STK32B: variants seen among roughly 807,000 people sequenced by gnomAD.
STK32B encodes the protein serine/threonine-protein kinase 32B.
In STK32B, 43 loss-of-function variants were observed where a neutral mutation model predicts 52.6. The observed-to-expected ratio is 0.82, with a 90% CI of 0.64 to 1.05. The LOEUF (loss-of-function observed/expected upper bound fraction) is 1.05, where lower values mean the gene tolerates loss of function less well. Among genes scored for constraint, STK32B ranks in the 50% least tolerant of loss-of-function variants. The pLI is 0.00. For missense variants in STK32B, 621 were observed against 534.6 expected, an observed-to-expected ratio of 1.16 and a Z score of -1.59; for synonymous variants, 238 against 204.3, an observed-to-expected ratio of 1.17 and a Z score of -1.41.
At chr4:5,242,830 A>G (rs1203640562) in intron 3 of STK32B, among the ~76,000 whole-genome samples, 1 of 152,230 alleles carries the variant, frequency 6.6e-6, no homozygotes, top group Non-Finnish European at 1.5e-5. Flanking sequence ...TTTATTAAAT[A>G]GAGAATCCTT....
intron 1 of STK32B, among the ~76,000 whole-genome samples, chr4:5,136,869 C>T (rs1249262237): frequency 2.6e-5 from 4 of 152,152 alleles, no homozygotes; most frequent in Admixed American, 6.5e-5. Flanking sequence ...GAACCACAGG[C>T]CGTGTGCTCA....
At chr4:5,091,605 T>A (rs926589741) in intron 1 of STK32B, among the ~76,000 whole-genome samples, 1 of 152,214 alleles carries the variant, frequency 6.6e-6, no homozygotes, top group Non-Finnish European at 1.5e-5. Flanking sequence ...TTGGAATCCT[T>A]ATACATTGCT....
chr4:5,212,251 A>G (rs1297641248), intron 3 of STK32B, among the ~76,000 whole-genome samples: 1 of 152,192 alleles, frequency 6.6e-6, no homozygotes, highest in African/African-American at 2.4e-5. Flanking sequence ...AAACAGAGGC[A>G]TAGCATGCAG....
chr4:5,049,309 A>C (rs1253172608), upstream of STK32B, among the ~76,000 whole-genome samples: 3 of 151,658 alleles, frequency 2.0e-5, no homozygotes, highest in African/African-American at 7.3e-5. Flanking sequence ...GGATTCTCCC[A>C]CCTCAGCCTC....
chr4:5,299,093 C>T (rs1308274933), intron 3 of STK32B, among the ~76,000 whole-genome samples: 3 of 151,928 alleles, frequency 2.0e-5, no homozygotes, highest in African/African-American at 7.3e-5. Flanking sequence ...GGCAACATCC[C>T]ACCCTGCTTC....
chr4:5,260,968 G>T (rs2108844484), intron 3 of STK32B, among the ~76,000 whole-genome samples: 1 of 152,216 alleles, frequency 6.6e-6, no homozygotes, highest in Non-Finnish European at 1.5e-5. Flanking sequence ...AGGTGAGAGG[G>T]CCAGGCCTTT....
intron 8 of STK32B, among the ~76,000 whole-genome samples, chr4:5,457,747 C>T (rs1306131808): frequency 6.6e-6 from 1 of 151,688 alleles, no homozygotes; most frequent in East Asian, 2.0e-4. Flanking sequence ...GTGGCACATG[C>T]CTGTAATCCC....
chr4:5,275,423 A>G (rs1287042861), intron 3 of STK32B, among the ~76,000 whole-genome samples: 3 of 152,166 alleles, frequency 2.0e-5, no homozygotes, highest in African/African-American at 4.8e-5. Flanking sequence ...TGATGCAAAT[A>G]TCTTTTTATC....
chr4:5,081,001 G>T (rs1029905751), intron 1 of STK32B, among the ~76,000 whole-genome samples: 24 of 152,254 alleles, frequency 1.6e-4, no homozygotes, highest in African/African-American at 5.1e-4. Flanking sequence ...GTCTGTTTTT[G>T]TGAGTTTGGC....
chr4:5,057,451 A>G (rs531251237), intron 1 of STK32B, among the ~76,000 whole-genome samples: 6 of 152,328 alleles, frequency 3.9e-5, no homozygotes, highest in Admixed American at 3.3e-4. Flanking sequence ...TGACTCTTGC[A>G]TAGTGTGACT....
chr4:5,270,997 G>T (rs1028755764), intron 3 of STK32B, among the ~76,000 whole-genome samples: 5 of 152,038 alleles, frequency 3.3e-5, no homozygotes, highest in Non-Finnish European at 4.4e-5. Flanking sequence ...GAGTGCAGGG[G>T]TGCGATCTCA....
chr4:5,342,604 A>C (rs889210341), intron 4 of STK32B, among the ~76,000 whole-genome samples: 1 of 152,040 alleles, frequency 6.6e-6, no homozygotes, highest in Non-Finnish European at 1.5e-5. Context: ...TTCATGAGAA[A>C]TCTCTCCCCA....
intron 3 of STK32B, among the ~76,000 whole-genome samples, chr4:5,198,478 C>G (rs1250132493): frequency 1.3e-5 from 2 of 152,126 alleles, no homozygotes; most frequent in African/African-American, 4.8e-5. Flanking sequence ...TTTGTTCAAC[C>G]AATGCTTTCT....
chr4:5,059,746 TAA>T (rs1742148057), intron 1 of STK32B, among the ~76,000 whole-genome samples: 1 of 152,194 alleles, frequency 6.6e-6, no homozygotes, highest in Non-Finnish European at 1.5e-5. Flanking sequence ...AAATCTGTAA[TAA>T]AACTTTCCCA....
At chr4:5,234,247 CT>C (rs1724472260) in intron 3 of STK32B, among the ~76,000 whole-genome samples, 2 of 152,318 alleles carry the variant, frequency 1.3e-5, no homozygotes, top group Admixed American at 1.3e-4. Flanking sequence ...GTTAGATACT[CT>C]TACTGTTCTT....
At chr4:5,027,393 C>A in the STK32B span, among the ~76,000 whole-genome samples, 1 of 152,154 alleles carries the variant, frequency 6.6e-6, no homozygotes, top group African/African-American at 2.4e-5. Flanking sequence ...CCAAACATTG[C>A]CCCAGGCCTG....
At chr4:5,409,957 A>G (rs1292685639) in intron 5 of STK32B, among the ~76,000 whole-genome samples, 2 of 152,212 alleles carry the variant, frequency 1.3e-5, no homozygotes, top group East Asian at 3.8e-4. Flanking sequence ...TCATAAGCCA[A>G]AAGAAGCTTG....
intron 3 of STK32B, among the ~76,000 whole-genome samples, chr4:5,322,582 C>A (rs1037127607): frequency 5.3e-5 from 8 of 152,180 alleles, no homozygotes; most frequent in Admixed American, 3.3e-4. Context: ...ACTTTTGCCT[C>A]AGGAAGAAGA....
At chr4:5,240,020 C>G (rs1293083748) in intron 3 of STK32B, among the ~76,000 whole-genome samples, 1 of 151,792 alleles carries the variant, frequency 6.6e-6, no homozygotes, top group African/African-American at 2.4e-5. Context: ...ATCTCTCTCT[C>G]CCTTTTTTTC....
Sources: gnomAD v4.1 joint callset for allele counts (sites outside exome capture counted in the v4.1 genomes callset) on GRCh38, gnomAD v4.1.1 for gene constraint, MANE v1.5 for transcripts, NCBI Gene and HGNC (gene_info 2026-07-23, HGNC 2026-07-21) for gene names.